Variants in SMARCB1 observed in about 807,000 individuals in gnomAD.
SMARCB1 encodes SWI/SNF-related matrix-associated actin-dependent regulator of chromatin subfamily B member 1.
A neutral mutation model predicts 49.0 loss-of-function variants in SMARCB1; 5 were observed. That is an observed-to-expected ratio of 0.10 (90% CI 0.05 to 0.21). The LOEUF (loss-of-function observed/expected upper bound fraction) is 0.21, where lower values mean the gene tolerates loss of function less well. Ranked by LOEUF, SMARCB1 falls within the 10% of genes least tolerant of loss-of-function variation. SMARCB1 has a pLI of 1.00. For missense variants in SMARCB1, 226 were observed against 509.2 expected (o/e 0.44, Z 5.35); for synonymous variants, 201 against 200.1 (o/e 1.00, Z -0.04).
At chr22:23,807,326 GCA>G (rs1929554391) in intron 5 of SMARCB1, among the ~76,000 whole-genome samples, 1 of 152,042 alleles carries the variant, frequency 6.6e-6, no homozygotes, top group Non-Finnish European at 1.5e-5. Flanking sequence ...ATGAGGCTGA[GCA>G]CAGTTGCTCA....
In SMARCB1 at chr22:23,836,919, G is replaced by A; in HGVS notation, c.*2739G>A. 3 of 1,539,210 alleles carry A rather than the reference G, an allele frequency of 1.9e-6. No homozygotes were observed. The highest frequency in any genetic ancestry group is 2.5e-5 in the South Asian group (2 of 79,112). ...GGTCCTGGCTGTTCCTCAGGGAGGG[G>A]CAGGTAATTGGGGTCTTCTGCAGGG... is the stretch of plus-strand genomic sequence containing the variant. On this transcript the variant is annotated 3_prime_UTR_variant, in exon 9 of 9. Transcript: ENST00000644036.
Position 23,834,775 on chromosome 22 carries a change from G to C in SMARCB1, c.*595G>C. Reference sequence around the variant, plus strand: ...AGAGTAGCTGTGAGGCTCAGGGCAAGAGGCTCTCTGCCTTTCAGGAACAGC... The same window carrying C: ...AGAGTAGCTGTGAGGCTCAGGGCAACAGGCTCTCTGCCTTTCAGGAACAGC... On this transcript the variant is annotated 3_prime_UTR_variant, in exon 9 of 9. Coordinates refer to ENST00000644036, the MANE Select transcript of SMARCB1 (RefSeq NM_003073.5). 1 of 1,532,766 alleles carries C rather than the reference G, an allele frequency of 6.5e-7. No individual in the cohort carries two copies. The highest frequency in any genetic ancestry group is 8.8e-7 in the Non-Finnish European group (1 of 1,131,208). The allele number at this position is 1,532,766 out of a possible 1,614,324, so 94.9% of individuals were successfully genotyped here. A position where few individuals can be genotyped will look rare whatever the true frequency, so the allele number is the denominator to read the frequency against.
chr22:23,800,168 G>A (rs976439019), intron 3 of SMARCB1, among the ~76,000 whole-genome samples: 1 of 152,234 alleles, frequency 6.6e-6, no homozygotes, highest in Non-Finnish European at 1.5e-5. Context: ...TGCCCATCTT[G>A]ACCTTCCAAA....
chr22:23,814,799 C>T (rs1930086438), intron 5 of SMARCB1, among the ~76,000 whole-genome samples: 2 of 151,698 alleles, frequency 1.3e-5, no homozygotes, highest in African/African-American at 2.4e-5. Context: ...GGAGAAACCT[C>T]GTCTCTACTA....
At chr22:23,832,645 C>G (rs2030714030) in intron 7 of SMARCB1, among the ~76,000 whole-genome samples, 1 of 152,042 alleles carries the variant, frequency 6.6e-6, no homozygotes, top group Non-Finnish European at 1.5e-5. Context: ...ACTGTCAGCA[C>G]CCAAAGCTGC....
intron 6 of SMARCB1, among the ~76,000 whole-genome samples, chr22:23,821,775 T>G (rs1601428875): frequency 6.6e-6 from 1 of 151,062 alleles, no homozygotes. Context: ...TGCTTGAACC[T>G]GGGAGGCGGA....
Position 23,834,843 on chromosome 22 carries a change from A to G in SMARCB1, c.*663A>G. ...TGCTTGGCCTCAGGAAGGTGCCGCG[A>G]GCTCTCCTGCCGTCCCTGGGCCGCC... On this transcript the variant is annotated 3_prime_UTR_variant, in exon 9 of 9. Coordinates refer to ENST00000644036, the MANE Select transcript of SMARCB1 (RefSeq NM_003073.5). 6.2e-7 allele frequency: 1 copy of G among 1,612,150 alleles called. No individual in the cohort carries two copies. Among genetic ancestry groups the G allele is most frequent in the Non-Finnish European group, 8.5e-7 (1 of 1,179,552 alleles).
At chr22:23,816,723 C>G (rs759764472) in intron 5 of SMARCB1, 47 bp from the exon 6 acceptor site, 1 of 1,559,004 alleles carries the variant, frequency 6.4e-7, no homozygotes, top group African/African-American at 1.4e-5. Context: ...GGTCCATGCC[C>G]AAGCATGGTG....
chr22:23,787,092 G>A lies in SMARCB1; in HGVS notation c.-78G>A, dbSNP rs1928030069. The A allele has an allele frequency of 6.4e-6, 6 of 936,580 alleles. No individual in the cohort carries two copies. In the African/African-American group the frequency reaches 6.7e-5, roughly 10 times the overall value. The allele number at this position is 936,580 out of a possible 1,614,324, so 58.0% of individuals were successfully genotyped here. A position where few individuals can be genotyped will look rare whatever the true frequency, so the allele number is the denominator to read the frequency against. On this transcript the variant is annotated 5_prime_UTR_variant, in exon 1 of 9. Transcript: ENST00000644036. ...CGCCTTCCGGCTTCGGTTTCCCTCG[G>A]CCCAGCACGCCCCGGCCCCGCCCCA...
intron 3 of SMARCB1, 93 bp downstream of exon 3, chr22:23,793,781 C>CTTTTTT: frequency 1.9e-5 from 15 of 776,278 alleles, no homozygotes; most frequent in East Asian, 2.9e-5. Context: ...AATTGAAACA[C>CTTTTTT]TTTTTTTTTT....
At chr22:23,824,537 G>A (rs777255517) in intron 6 of SMARCB1, 6 of 150,718 alleles carry the variant, frequency 4.0e-5, no homozygotes, top group Non-Finnish European at 8.9e-5. Flanking sequence ...GGTGTAGGTG[G>A]GAGCCCCTGG....
At position 23,834,921 on chromosome 22, in the gene SMARCB1, C is replaced by T. The variant is rs770647244; in HGVS notation, c.*741C>T. On this transcript the variant is annotated 3_prime_UTR_variant, in exon 9 of 9. Transcript: ENST00000644036. ...GCTACTGCCAGCTGGGGCCTTGCTG[C>T]TCTGAAGTCCCCTGCGGAGGGCCCA... 1.2e-6 allele frequency: 2 copies of T among 1,609,788 alleles called. No homozygotes were observed. The highest frequency in any genetic ancestry group is 2.2e-5 in the South Asian group (2 of 90,910).
chr22:23,803,512 C>T, intron 5 of SMARCB1, 90 bp downstream of exon 5: 1 of 1,488,678 alleles, frequency 6.7e-7, no homozygotes, highest in Non-Finnish European at 9.3e-7. Flanking sequence ...GCCTGTCAGG[C>T]AGATTCTGGA....
intron 6 of SMARCB1, 160 bp downstream of exon 6, chr22:23,817,096 A>G (rs1299402685): frequency 3.0e-6 from 2 of 661,860 alleles, no homozygotes; most frequent in South Asian, 1.7e-5. Context: ...GCAATCCCCC[A>G]GGAAGGGCAT....
At position 23,836,657 on chromosome 22, in the gene SMARCB1, C is replaced by T; in HGVS notation, c.*2477C>T. The T allele has an allele frequency of 7.9e-7, 1 of 1,262,664 alleles. No homozygotes were observed. Among genetic ancestry groups the T allele is most frequent in the Non-Finnish European group, 9.9e-7 (1 of 1,009,148 alleles). 78.2% of individuals were successfully genotyped at this position (1,262,664 alleles called of 1,614,324 possible). A position where few individuals can be genotyped will look rare whatever the true frequency, so the allele number is the denominator to read the frequency against. On this transcript the variant is annotated 3_prime_UTR_variant, in exon 9 of 9. Transcript: ENST00000644036. Reference sequence around the variant, plus strand: ...CACCTGCAGTTGGGCTGAGAGGCCACACTGAGTGAGGACGGGGCAGGCATA... The same window carrying T: ...CACCTGCAGTTGGGCTGAGAGGCCATACTGAGTGAGGACGGGGCAGGCATA...
Position 23,837,899 on chromosome 22 carries a change from C to CCAAG in SMARCB1, c.*3721_*3722insAGCA. On this transcript the variant is annotated 3_prime_UTR_variant, in exon 9 of 9. Coordinates refer to ENST00000644036, the MANE Select transcript of SMARCB1 (RefSeq NM_003073.5). ...CTCCGGTGCAGGCCTCAGCCCAAGC[C>CCAAG]CAGGGCCCCTCTGACTTCCCAAGAC... The CCAAG allele has an allele frequency of 6.4e-7, 1 of 1,566,726 alleles. No homozygotes were observed. Among genetic ancestry groups the CCAAG allele is most frequent in the Non-Finnish European group, 8.7e-7 (1 of 1,153,802 alleles).
At chr22:23,818,424 G>A (rs1160502538) in intron 6 of SMARCB1, 1 of 151,804 alleles carries the variant, frequency 6.6e-6, no homozygotes, top group Non-Finnish European at 1.5e-5. Context: ...CAGAGTGCTG[G>A]GATTACAGGC....
intron 5 of SMARCB1, among the ~76,000 whole-genome samples, chr22:23,808,886 A>G (rs544971875): frequency 6.6e-6 from 1 of 151,510 alleles, no homozygotes; most frequent in Non-Finnish European, 1.5e-5. Context: ...TTTAGTAGAG[A>G]GGGGTTTCTC....
chr22:23,811,527 C>T (rs73881831), intron 5 of SMARCB1, among the ~76,000 whole-genome samples: 1 of 152,126 alleles, frequency 6.6e-6, no homozygotes, highest in African/African-American at 2.4e-5. Flanking sequence ...GAATTGAAAC[C>T]ATACAGAGTG....
Sources: gnomAD v4.1 joint callset for allele counts (sites outside exome capture counted in the v4.1 genomes callset) on GRCh38, gnomAD v4.1.1 for gene constraint, MANE v1.5 for transcripts, NCBI Gene and HGNC (gene_info 2026-07-23, HGNC 2026-07-21) for gene names.